SLC71A2: variants seen among roughly 807,000 people sequenced by gnomAD.
SLC71A2 encodes solute carrier family 71 member 2.
At chr9:94,434,385 A>G in the SLC71A2 span, among the ~76,000 whole-genome samples, 2 of 152,312 alleles carry the variant, frequency 1.3e-5, no homozygotes, top group East Asian at 3.9e-4. Flanking sequence ...GTGCGATCTC[A>G]GCTTGCTGCA....
the SLC71A2 span, among the ~76,000 whole-genome samples, chr9:94,451,706 T>C: frequency 6.6e-6 from 1 of 152,242 alleles, no homozygotes; most frequent in African/African-American, 2.4e-5. Context: ...AAGAAACTGA[T>C]GTGAATGTGG....
the SLC71A2 span, among the ~76,000 whole-genome samples, chr9:94,428,121 C>CAA: frequency 4.8e-5 from 6 of 125,546 alleles, no homozygotes; most frequent in Non-Finnish European, 3.4e-5. Context: ...ACTCCATCTC[C>CAA]AAAAAAAAAA....
At chr9:94,439,398 C>T in the SLC71A2 span, among the ~76,000 whole-genome samples, 3 of 151,344 alleles carry the variant, frequency 2.0e-5, no homozygotes, top group Non-Finnish European at 4.4e-5. Context: ...TTGGAATTTG[C>T]ATGTGAGCCG....
the SLC71A2 span, among the ~76,000 whole-genome samples, chr9:94,424,007 T>C: frequency 6.6e-6 from 1 of 152,188 alleles, no homozygotes; most frequent in Non-Finnish European, 1.5e-5. Context: ...AGAAAGATCA[T>C]TGTGTTTGGT....
chr9:94,412,534 T>C, the SLC71A2 span, among the ~76,000 whole-genome samples: 1 of 151,960 alleles, frequency 6.6e-6, no homozygotes, highest in Non-Finnish European at 1.5e-5. Flanking sequence ...TCAATGTTTA[T>C]AGCAGCATTA....
the SLC71A2 span, among the ~76,000 whole-genome samples, chr9:94,436,288 C>G: frequency 1.3e-5 from 2 of 152,152 alleles, no homozygotes; most frequent in African/African-American, 4.8e-5. Flanking sequence ...CAAACTAGAT[C>G]AGTGATATTT....
the SLC71A2 span, among the ~76,000 whole-genome samples, chr9:94,418,715 T>C: frequency 2.0e-5 from 3 of 151,826 alleles, no homozygotes; most frequent in African/African-American, 7.3e-5. Flanking sequence ...GCTGAGATTA[T>C]AGGCATAAGC....
At chr9:94,410,916 C>A in the SLC71A2 span, among the ~76,000 whole-genome samples, 1 of 152,226 alleles carries the variant, frequency 6.6e-6, no homozygotes, top group Non-Finnish European at 1.5e-5. Context: ...CAGGCACTTG[C>A]CATCACGCCT....
At chr9:94,454,551 G>A in the SLC71A2 span, among the ~76,000 whole-genome samples, 1 of 143,504 alleles carries the variant, frequency 7.0e-6, no homozygotes, top group South Asian at 2.1e-4. Context: ...ATTTTTAGTA[G>A]AGATGGGTTT....
the SLC71A2 span, among the ~76,000 whole-genome samples, chr9:94,391,235 G>C: frequency 6.6e-6 from 1 of 151,202 alleles, no homozygotes; most frequent in African/African-American, 2.4e-5. Context: ...TGAGCTTGGC[G>C]GTGTGTGTCT....
At chr9:94,402,051 C>T in the SLC71A2 span, among the ~76,000 whole-genome samples, 1 of 152,160 alleles carries the variant, frequency 6.6e-6, no homozygotes, top group Non-Finnish European at 1.5e-5. Flanking sequence ...AGATCACTCT[C>T]ATTTCTGTCT....
the SLC71A2 span, among the ~76,000 whole-genome samples, chr9:94,400,705 A>G: frequency 2.0e-5 from 3 of 152,068 alleles, no homozygotes; most frequent in South Asian, 6.2e-4. Flanking sequence ...CCATCCTGGG[A>G]TTCTCCACCT....
At chr9:94,452,733 TTATATA>T in the SLC71A2 span, among the ~76,000 whole-genome samples, 1 of 99,844 alleles carries the variant, frequency 1.0e-5, no homozygotes, top group African/African-American at 2.8e-5. Flanking sequence ...ATAATAGATA[TTATATA>T]TAAATATCTA....
the SLC71A2 span, among the ~76,000 whole-genome samples, chr9:94,408,255 G>A: frequency 9.2e-5 from 14 of 152,294 alleles, no homozygotes; most frequent in African/African-American, 3.1e-4. Flanking sequence ...TAAGTCTAAA[G>A]CGACTTTCAA....
the SLC71A2 span, among the ~76,000 whole-genome samples, chr9:94,448,539 G>A: frequency 6.6e-6 from 1 of 152,146 alleles, no homozygotes; most frequent in African/African-American, 2.4e-5. Context: ...TTTTCTGGTT[G>A]TATTTAAAAA....
chr9:94,445,081 A>G, the SLC71A2 span: 2 of 1,614,206 alleles, frequency 1.2e-6, no homozygotes, highest in South Asian at 1.1e-5. Context: ...TCTTCTGGAC[A>G]TCTGCTTCAT....
the SLC71A2 span, among the ~76,000 whole-genome samples, chr9:94,417,920 G>T: frequency 8.2e-6 from 1 of 121,546 alleles, no homozygotes; most frequent in Non-Finnish European, 1.6e-5. Flanking sequence ...TCAGTGGCGT[G>T]ATCTCAGCTC....
At chr9:94,444,557 T>G in the SLC71A2 span, among the ~76,000 whole-genome samples, 3 of 152,196 alleles carry the variant, frequency 2.0e-5, no homozygotes, top group Non-Finnish European at 4.4e-5. Flanking sequence ...AGTTTTATCA[T>G]CAGCCCTGCA....
At chr9:94,406,024 A>T in the SLC71A2 span, among the ~76,000 whole-genome samples, 1 of 143,514 alleles carries the variant, frequency 7.0e-6, no homozygotes, top group African/African-American at 2.6e-5. Flanking sequence ...CGTTACATTT[A>T]TTCCTAAGTA....
Sources: gnomAD v4.1 joint callset for allele counts (sites outside exome capture counted in the v4.1 genomes callset) on GRCh38, gnomAD v4.1.1 for gene constraint, MANE v1.5 for transcripts, NCBI Gene and HGNC (gene_info 2026-07-23, HGNC 2026-07-21) for gene names.